The following NUP205 variants were observed in gnomAD, a reference collection of about 807,000 sequenced individuals.
The protein encoded by NUP205 is nuclear pore complex protein Nup205.
In NUP205, 76 loss-of-function variants were observed where a neutral mutation model predicts 253.8. That is an observed-to-expected ratio of 0.30 (90% confidence interval 0.25 to 0.36). NUP205 has a LOEUF of 0.36. Among genes scored for constraint, NUP205 ranks in the 10% least tolerant of loss-of-function variants. The pLI is 1.00. For missense variants in NUP205, 2,162 were observed against 2,425.5 expected, an observed-to-expected ratio of 0.89 and a Z score of 2.28; for synonymous variants, 832 against 850.1, an observed-to-expected ratio of 0.98 and a Z score of 0.37.
rs143886718 is a variant in NUP205 at position 135,641,330 on chromosome 7, C to A, written c.5393-1862C>A. ...TACCTAATTTCAGTAGGAGAAGGCTCTCTATAACAATGTATTGTGAAAACT... is the reference window on the plus strand; with the variant it reads ...TACCTAATTTCAGTAGGAGAAGGCTATCTATAACAATGTATTGTGAAAACT... On this transcript the variant is annotated intron_variant, in intron 38 of 42. Coordinates refer to ENST00000285968, the MANE Select transcript of NUP205 (RefSeq NM_015135.3). Among the ~76,000 whole-genome samples the A allele has an allele frequency of 1.8e-3, 276 of 152,278 alleles. 1 individual carries two copies. Among genetic ancestry groups the A allele is most frequent in the African/African-American group, 6.4e-3 (264 of 41,548 alleles).
chr7:135,601,542 G>C, intron 17 of NUP205, 35 bp downstream of exon 17: 10 of 1,582,714 alleles, frequency 6.3e-6, no homozygotes, highest in Non-Finnish European at 8.6e-6. Context: ...CTTGCAAACA[G>C]CTTTGATGTT....
chr7:135,567,167 T>C (rs1374270517), intron 1 of NUP205, among the ~76,000 whole-genome samples: 1 of 105,810 alleles, frequency 9.5e-6, no homozygotes, highest in South Asian at 2.7e-4. Flanking sequence ...TATATATATA[T>C]ATATATATAT....
chr7:135,603,622 AC>A (rs1794015366), intron 18 of NUP205, among the ~76,000 whole-genome samples: 1 of 148,060 alleles, frequency 6.8e-6, no homozygotes, highest in African/African-American at 2.5e-5. Context: ...CGATTCTCCC[AC>A]CTCAGCCTCC....
At chr7:135,619,936 C>G (rs760961757) in intron 30 of NUP205, 48 bp downstream of exon 30, 2 of 1,205,630 alleles carry the variant, frequency 1.7e-6, no homozygotes, top group Admixed American at 2.1e-5. Context: ...GAGATGGTTA[C>G]TTTAAATTGA....
chr7:135,643,709 T>C (rs1794957823), intron 39 of NUP205, among the ~76,000 whole-genome samples: 1 of 152,210 alleles, frequency 6.6e-6, no homozygotes, highest in Non-Finnish European at 1.5e-5. Context: ...CTTCAGCATC[T>C]TCAATATCTG....
At position 135,637,955 on chromosome 7, in the gene NUP205, C is replaced by A; in HGVS notation, c.5161C>A (p.Arg1721Ser). ...GCGCCAGTGCTTAGGACTACTAAGTCGCTTTGGTGGCTCTGACAGACTGCG... is the reference window on the plus strand; with the variant it reads ...GCGCCAGTGCTTAGGACTACTAAGTAGCTTTGGTGGCTCTGACAGACTGCG... ...FQRQCLGLLS[R>S]FGGSDRLRQF... The change falls in exon 37 of 43, where the codon CGC becomes AGC. Residue 1721 changes from arginine to serine, a missense_variant. Coordinates refer to ENST00000285968, the MANE Select transcript of NUP205 (RefSeq NM_015135.3). The A allele has an allele frequency of 3.7e-6, 6 of 1,613,760 alleles. No individual in the cohort carries two copies. Among genetic ancestry groups the A allele is most frequent in the Non-Finnish European group, 5.1e-6 (6 of 1,179,850 alleles).
intron 7 of NUP205, among the ~76,000 whole-genome samples, chr7:135,583,866 G>A (rs568663032): frequency 2.1e-5 from 3 of 145,292 alleles, no homozygotes; most frequent in South Asian, 2.2e-4. Flanking sequence ...TTTTTGAGAC[G>A]GAGTTTTGCT....
intron 38 of NUP205, among the ~76,000 whole-genome samples, chr7:135,642,474 G>A (rs1041233192): frequency 6.6e-6 from 1 of 151,944 alleles, no homozygotes; most frequent in Non-Finnish European, 1.5e-5. Flanking sequence ...GAGCCACCGT[G>A]CCTGTCCTAG....
intron 35 of NUP205, among the ~76,000 whole-genome samples, chr7:135,632,907 C>T (rs1290920846): frequency 1.3e-5 from 2 of 152,008 alleles, no homozygotes; most frequent in African/African-American, 2.4e-5. Context: ...TAATTGACTG[C>T]CTGGTTTTCC....
intron 19 of NUP205, among the ~76,000 whole-genome samples, chr7:135,605,542 C>T (rs993535271): frequency 8.5e-5 from 13 of 152,146 alleles, no homozygotes; most frequent in Admixed American, 8.5e-4. Context: ...TGGTACCACC[C>T]AGCATGAGAA....
At chr7:135,607,120 A>G (rs1248526581) in intron 21 of NUP205, 127 bp from the exon 22 acceptor site, 1 of 1,272,970 alleles carries the variant, frequency 7.9e-7, no homozygotes, top group Non-Finnish European at 1.1e-6. Context: ...ATTTTCTGTT[A>G]TCAGTATTTG....
Position 135,627,977 on chromosome 7 carries a change from T to C in NUP205, c.4798T>C (p.Phe1600Leu). 6.2e-7 allele frequency: 1 copy of C among 1,612,778 alleles called. No homozygotes were observed. The highest frequency in any genetic ancestry group is 8.5e-7 in the Non-Finnish European group (1 of 1,179,650). The change falls in exon 34 of 43, where the codon TTT becomes CTT. Residue 1600 changes from phenylalanine to leucine, a missense_variant. By Grantham distance (22) the Phe-to-Leu change is conservative. Transcript: ENST00000285968. ...TCCTTGTTTGGTTGAAATAAGCATG[T>C]TTGGCATGAGAGACCCTCCAATGTT... ...MRPETDPQSM[F>L]GMRDPPMFIP...
At chr7:135,621,188 C>T (rs1324798481) in intron 30 of NUP205, among the ~76,000 whole-genome samples, 1 of 152,044 alleles carries the variant, frequency 6.6e-6, no homozygotes, top group Non-Finnish European at 1.5e-5. Flanking sequence ...TACATAGTAC[C>T]CTATAAGGTA....
chr7:135,641,180 T>G (rs1262419722), intron 38 of NUP205, among the ~76,000 whole-genome samples: 3 of 152,186 alleles, frequency 2.0e-5, no homozygotes, highest in Non-Finnish European at 4.4e-5. Flanking sequence ...TTTTCTAGAC[T>G]TGGGCAAGTT....
rs758544195 is a variant in NUP205, at chr7:135,635,541, T to C, written c.5060-40T>C. 4 of 1,076,500 alleles carry C rather than the reference T, an allele frequency of 3.7e-6. No individual in the cohort carries two copies. The South Asian group carries it at 6.1e-5, about 16-fold the overall frequency. 66.7% of individuals were successfully genotyped at this position (1,076,500 alleles called of 1,614,324 possible). On this transcript the variant is annotated intron_variant, in intron 35 of 42. Transcript: ENST00000285968. ...CTTCCTAGTTTTTAATGTTTTTGTT[T>C]ATTATAATAATATGTTTTAAAGCAT... is the stretch of plus-strand genomic sequence containing the variant.
intron 31 of NUP205, 34 bp downstream of exon 31, chr7:135,622,959 T>C (rs200559543): frequency 5.4e-5 from 86 of 1,604,160 alleles, no homozygotes; most frequent in Non-Finnish European, 7.2e-5. Context: ...TATAATTGAA[T>C]AAGTATTTTG....
In NUP205 at chr7:135,648,359, T is replaced by A. The variant is rs752680121; in HGVS notation, c.5887-45T>A. On this transcript the variant is annotated intron_variant, in intron 42 of 42. Coordinates refer to ENST00000285968, the MANE Select transcript of NUP205 (RefSeq NM_015135.3). ...TGGAAGACTTAGAATAAAAGAAATA[T>A]TTGAGACAACAATTTTAACAAAATG... is the stretch of plus-strand genomic sequence containing the variant. 2.7e-6 allele frequency: 4 copies of A among 1,470,552 alleles called. No homozygotes were observed. In the African/African-American group the frequency reaches 5.9e-5, roughly 22 times the overall value. The allele number at this position is 1,470,552 out of a possible 1,614,324, so 91.1% of individuals were successfully genotyped here.
chr7:135,574,042 G>A (rs1296074117), intron 3 of NUP205, among the ~76,000 whole-genome samples: 3 of 151,626 alleles, frequency 2.0e-5, no homozygotes, highest in East Asian at 1.9e-4. Context: ...GCATGATATC[G>A]GCTCACTGCA....
chr7:135,629,467 C>T (rs1425695384), intron 34 of NUP205, among the ~76,000 whole-genome samples: 2 of 73,520 alleles, frequency 2.7e-5, no homozygotes, highest in Non-Finnish European at 5.5e-5. Context: ...TAGTGAGACC[C>T]TATCTCTCTC....
Sources: allele counts gnomAD v4.1 joint callset (sites outside exome capture counted in the v4.1 genomes callset), GRCh38; gene constraint gnomAD v4.1.1; transcripts MANE v1.5; gene names NCBI Gene and HGNC (gene_info 2026-07-23, HGNC 2026-07-21).